Variants in GRIK3 observed in about 807,000 individuals in gnomAD.
The protein encoded by GRIK3 is glutamate receptor ionotropic, kainate 3.
GRIK3 carries 29 observed loss-of-function variants against 102.5 expected under a neutral mutation model. That is an observed-to-expected ratio of 0.28 (90% confidence interval 0.21 to 0.39). The LOEUF is 0.39. Among genes scored for constraint, GRIK3 ranks in the 10% least tolerant of loss-of-function variants. The pLI, the probability that GRIK3 is intolerant of heterozygous loss-of-function variation, is 1.00. For synonymous variants in GRIK3, 511 were observed against 504.9 expected (o/e 1.01, Z -0.16); for missense variants, 908 against 1,252.4 (o/e 0.73, Z 4.15).
intron 1 of GRIK3, among the ~76,000 whole-genome samples, chr1:36,898,487 T>A: frequency 6.6e-6 from 1 of 152,022 alleles, no homozygotes; most frequent in East Asian, 1.9e-4. Context: ...AAAATAAAAT[T>A]TAAAATGTAA....
chr1:36,810,023 G>C (rs1642545010), intron 13 of GRIK3, among the ~76,000 whole-genome samples: 1 of 151,986 alleles, frequency 6.6e-6, no homozygotes, highest in African/African-American at 2.4e-5. Flanking sequence ...TTCTGTCTTG[G>C]GGCCCCCCTT....
At chr1:36,892,675 C>A (rs1641130935) in intron 1 of GRIK3, among the ~76,000 whole-genome samples, 2 of 152,046 alleles carry the variant, frequency 1.3e-5, no homozygotes, top group African/African-American at 4.8e-5. Flanking sequence ...TTTTTCTTTT[C>A]CTGATAAAAT....
Position 36,819,858 on chromosome 1 carries a change from C to T in GRIK3, c.1755-4G>A. 3.4e-6 allele frequency: 5 copies of T among 1,476,068 alleles called. No individual in the cohort carries two copies. The South Asian group carries it at 4.7e-5, about 14-fold the overall frequency. 91.4% of individuals were successfully genotyped at this position (1,476,068 alleles called of 1,614,324 possible). Reference sequence around the variant, plus strand: ...GTACCACTCATAAGGGCTGAACCTGCCACAGGAGGAGAGGGACAGTCAGCC... The same window carrying T: ...GTACCACTCATAAGGGCTGAACCTGTCACAGGAGGAGAGGGACAGTCAGCC... On this transcript the variant is annotated splice_polypyrimidine_tract_variant and splice_region_variant and intron_variant, in intron 11 of 15. Transcript: ENST00000373091. The surrounding 1 kb of genome is among the most constrained non-coding windows in gnomAD (Gnocchi z 4.1).
At chr1:36,934,681 C>T (rs1641634478) in intron 1 of GRIK3, among the ~76,000 whole-genome samples, 2 of 152,296 alleles carry the variant, frequency 1.3e-5, no homozygotes, top group South Asian at 4.1e-4. Flanking sequence ...TTGCTGGGGC[C>T]TCGCTTATCC....
intron 1 of GRIK3, among the ~76,000 whole-genome samples, chr1:36,895,256 C>T (rs1641160604): frequency 6.6e-6 from 1 of 152,070 alleles, no homozygotes; most frequent in South Asian, 2.1e-4. Flanking sequence ...TACTAAAAGG[C>T]ATAAAAACCA....
intron 1 of GRIK3, among the ~76,000 whole-genome samples, chr1:36,979,249 T>G (rs796217256): frequency 1.8e-4 from 27 of 152,384 alleles, no homozygotes; most frequent in African/African-American, 6.3e-4. Flanking sequence ...AGGATTGGCC[T>G]GCAAGGAACC....
chr1:36,911,261 G>C (rs953970263), intron 1 of GRIK3, among the ~76,000 whole-genome samples: 1 of 152,108 alleles, frequency 6.6e-6, no homozygotes, highest in African/African-American at 2.4e-5. Flanking sequence ...TGAGGATGAG[G>C]TTCAGCTAAG....
At chr1:36,869,434 G>A (rs143543664) in intron 5 of GRIK3, among the ~76,000 whole-genome samples, 59 of 152,310 alleles carry the variant, frequency 3.9e-4, no homozygotes, top group African/African-American at 1.3e-3. Flanking sequence ...AATCCTAGGA[G>A]GCAGAAGCCC....
chr1:36,824,090 C>G (rs1020735481), intron 11 of GRIK3, among the ~76,000 whole-genome samples: 6 of 152,116 alleles, frequency 3.9e-5, no homozygotes, highest in Non-Finnish European at 7.4e-5. Flanking sequence ...ATTACAGCAG[C>G]TCTAGGAAAC....
At chr1:36,888,300 T>A (rs1641064959) in intron 2 of GRIK3, among the ~76,000 whole-genome samples, 1 of 152,104 alleles carries the variant, frequency 6.6e-6, no homozygotes, top group African/African-American at 2.4e-5. Context: ...AGACACTGAA[T>A]GATTTCATTT....
chr1:36,810,746 CT>C (rs1194405106), intron 13 of GRIK3, among the ~76,000 whole-genome samples: 6 of 152,234 alleles, frequency 3.9e-5, no homozygotes, highest in Non-Finnish European at 8.8e-5. Flanking sequence ...TTTGGCCTTA[CT>C]GGATCCATGG....
chr1:36,880,591 C>T lies in GRIK3; in HGVS notation c.550+43G>A. On this transcript the variant is annotated intron_variant, in intron 3 of 15. Transcript: ENST00000373091. This position sits in a 1 kb window ranked among gnomAD's most constrained non-coding sequence, Gnocchi z 5.4. The stretch of plus-strand genomic sequence containing the variant: ...AGAGCTTGATCCTGGGCCTCTGCCC[C>T]CCTCAACCGTTGCCCCCAGCCTAGC... The T allele has an allele frequency of 6.3e-7, 1 of 1,595,312 alleles. No individual in the cohort carries two copies. Among genetic ancestry groups the T allele is most frequent in the Non-Finnish European group, 8.6e-7 (1 of 1,164,416 alleles).
At chr1:36,807,923 C>T (rs1313527270) in intron 13 of GRIK3, among the ~76,000 whole-genome samples, 1 of 152,202 alleles carries the variant, frequency 6.6e-6, no homozygotes, top group Non-Finnish European at 1.5e-5. Context: ...ACTGGCCTCT[C>T]CCAGCCCCTC....
intron 1 of GRIK3, among the ~76,000 whole-genome samples, chr1:36,896,298 A>C (rs1641170807): frequency 6.6e-6 from 1 of 152,220 alleles, no homozygotes; most frequent in Admixed American, 6.5e-5. Context: ...GCAACAATGT[A>C]TTCATAAATA....
intron 1 of GRIK3, among the ~76,000 whole-genome samples, chr1:36,930,120 T>C (rs564745000): frequency 6.6e-6 from 1 of 152,350 alleles, no homozygotes; most frequent in South Asian, 2.1e-4. Context: ...TCAGTCCCAT[T>C]ATATTTTATT....
chr1:37,018,754 C>T (rs1642679508), intron 1 of GRIK3, among the ~76,000 whole-genome samples: 1 of 151,938 alleles, frequency 6.6e-6, no homozygotes, highest in African/African-American at 2.4e-5. Context: ...GAGATTGATG[C>T]CTGCATTGAT....
intron 1 of GRIK3, among the ~76,000 whole-genome samples, chr1:36,995,664 C>G (rs1030270688): frequency 6.6e-6 from 1 of 152,194 alleles, no homozygotes; most frequent in Non-Finnish European, 1.5e-5. Flanking sequence ...ACACAGTTTC[C>G]TCAGGAACCA....
intron 1 of GRIK3, among the ~76,000 whole-genome samples, chr1:37,029,050 G>C (rs1642792673): frequency 1.3e-5 from 2 of 151,842 alleles, no homozygotes; most frequent in South Asian, 4.1e-4. Flanking sequence ...GACCCAGGTG[G>C]GGCCCCAGGC....
At position 36,805,145 on chromosome 1, in the gene GRIK3, T is replaced by C; in HGVS notation, c.2407A>G (p.Ser803Gly). 6.2e-7 allele frequency: 1 copy of C among 1,614,184 alleles called. No individual in the cohort carries two copies. The highest frequency in any genetic ancestry group is 8.5e-7 in the Non-Finnish European group (1 of 1,180,028). ...TTGTTTTCCTCCTCAGGACACCCGCTGCCCCGCCACCACTTCTCCTTCATG... is the reference window on the plus strand; with the variant it reads ...TTGTTTTCCTCCTCAGGACACCCGCCGCCCCGCCACCACTTCTCCTTCATG... The part of the protein sequence containing the change: ...HIMKEKWWRG[S>G]GCPEEENKEA... Residue 803 changes from serine (S) to glycine (G), a missense_variant, in exon 15 of 16, where the codon AGC (serine) becomes GGC (glycine). Coordinates refer to ENST00000373091, the MANE Select transcript of GRIK3 (RefSeq NM_000831.4).
Sources: allele counts gnomAD v4.1 joint callset (sites outside exome capture counted in the v4.1 genomes callset), GRCh38; gene constraint gnomAD v4.1.1; non-coding constraint Gnocchi (gnomAD v3.1); transcripts MANE v1.5; gene names NCBI Gene and HGNC (gene_info 2026-07-23, HGNC 2026-07-21).